The following RHBDD1 variants were observed in gnomAD, a reference collection of about 807,000 sequenced individuals.
RHBDD1 encodes rhomboid-related protein 4.
A neutral mutation model predicts 36.3 loss-of-function variants in RHBDD1; 38 were observed. The ratio of observed to expected loss-of-function variants is 1.05; its 90% CI spans 0.81 to 1.37. The LOEUF (loss-of-function observed/expected upper bound fraction) is 1.37. Among genes scored for constraint, RHBDD1 ranks in the 40% most tolerant of loss-of-function variants. RHBDD1 has a pLI of 0.00. For missense variants in RHBDD1, 393 were observed against 377.6 expected (o/e 1.04, Z -0.34); for synonymous variants, 151 against 136.5 (o/e 1.11, Z -0.74).
chr2:226,816,473 T>C, the RHBDD1 span, among the ~76,000 whole-genome samples: 1 of 152,076 alleles, frequency 6.6e-6, no homozygotes, highest in African/African-American at 2.4e-5. Context: ...AAATTTCTTC[T>C]GTCTAAGGAT....
chr2:226,800,484 C>G, the RHBDD1 span, among the ~76,000 whole-genome samples: 1 of 152,086 alleles, frequency 6.6e-6, no homozygotes, highest in South Asian at 2.1e-4. Context: ...ACAGGGATCC[C>G]CAGGAAGTGT....
At chr2:226,995,371 G>A (rs1401264822) in intron 8 of RHBDD1, 60 bp from the exon 9 acceptor site, 2 of 1,026,760 alleles carry the variant, frequency 1.9e-6, no homozygotes, top group African/African-American at 3.1e-5. Context: ...TGGAATCCTA[G>A]GGTACACATG....
chr2:226,816,375 C>CAAAAA, the RHBDD1 span, among the ~76,000 whole-genome samples: 19 of 64,944 alleles, frequency 2.9e-4, no homozygotes, highest in African/African-American at 7.0e-4. Flanking sequence ...GGAATGGTGG[C>CAAAAA]AAAAAAAAAA....
chr2:226,839,650 T>C (rs181818483), intron 3 of RHBDD1, 23 bp downstream of exon 3: 3 of 152,262 alleles, frequency 2.0e-5, no homozygotes, highest in African/African-American at 7.2e-5. Flanking sequence ...CACAAACTTG[T>C]TCTGAAGACA....
intron 3 of RHBDD1, among the ~76,000 whole-genome samples, chr2:226,860,736 A>G (rs140138384): frequency 4.4e-4 from 67 of 152,270 alleles, no homozygotes; most frequent in East Asian, 3.3e-3. Flanking sequence ...CGTATGTTCT[A>G]CCTACACTGG....
intron 5 of RHBDD1, among the ~76,000 whole-genome samples, chr2:226,903,345 C>T (rs184608140): frequency 2.6e-4 from 40 of 152,304 alleles, no homozygotes; most frequent in Admixed American, 2.2e-3. Context: ...ATGGTGAAAT[C>T]TCACCCCGTC....
chr2:226,864,770 A>G lies in RHBDD1; in HGVS notation c.77A>G (p.Asn26Ser), dbSNP rs36070966. Residue 26 changes from asparagine to serine, a missense_variant, in exon 4 of 9, where the codon AAT (asparagine) becomes AGT (serine). Transcript: ENST00000392062. The part of the protein sequence containing the change: ...LSQIFHVGIN[N>S]IPPVTLATLA... ...CAAATCTTCCATGTTGGGATCAACA[A>G]TATTCCACCTGTCACCCTAGCAACT... 2.2e-4 allele frequency: 354 copies of G among 1,614,176 alleles called. 6 individuals carry two copies. The South Asian group carries it at 3.1e-3, about 14-fold the overall frequency.
the RHBDD1 span, among the ~76,000 whole-genome samples, chr2:226,830,366 T>C: frequency 2.0e-5 from 3 of 152,210 alleles, no homozygotes; most frequent in African/African-American, 7.2e-5. Flanking sequence ...CTTTCCAGCC[T>C]CCAGAACTGA....
At chr2:226,800,362 GCCAGCCTT>G in the RHBDD1 span, 2 of 152,312 alleles carry the variant, frequency 1.3e-5, no homozygotes, top group Non-Finnish European at 2.9e-5. Flanking sequence ...GGACTTCTGG[GCCAGCCTT>G]CCACCTTGGG....
intron 5 of RHBDD1, among the ~76,000 whole-genome samples, chr2:226,894,860 A>G (rs1475841360): frequency 6.6e-6 from 1 of 152,224 alleles, no homozygotes; most frequent in Admixed American, 6.5e-5. Flanking sequence ...CCACTGCAGT[A>G]TCCAGAGGAG....
At chr2:226,961,819 A>G (rs1452865158) in intron 8 of RHBDD1, among the ~76,000 whole-genome samples, 1 of 152,188 alleles carries the variant, frequency 6.6e-6, no homozygotes, top group Non-Finnish European at 1.5e-5. Flanking sequence ...ATTAACTCAT[A>G]TAAGGCTCAC....
Position 226,904,428 on chromosome 2 carries a change from G to GCA in RHBDD1, c.567-2365_567-2364insCA, listed in dbSNP as rs1947871701. 3.2e-5 allele frequency among the ~76,000 whole-genome samples: 2 copies of GCA among 63,468 alleles called. 1 individual carries two copies. Among genetic ancestry groups the GCA allele is most frequent in the Non-Finnish European group, 6.8e-5 (2 of 29,576 alleles). 41.6% of individuals were successfully genotyped at this position (63,468 alleles called of 152,430 possible). A position where few individuals can be genotyped will look rare whatever the true frequency, so the allele number is the denominator to read the frequency against. On this transcript the variant is annotated intron_variant, in intron 5 of 8. Transcript: ENST00000392062. Reference sequence around the variant, plus strand: ...CATCCTGCAAGCGGGGGGGGAGGGGGGTCAGGGAACTCCTGTTTCAGTAGA... The same window carrying GCA: ...CATCCTGCAAGCGGGGGGGGAGGGGGCAGTCAGGGAACTCCTGTTTCAGTAGA...
At chr2:226,817,639 CCT>C in the RHBDD1 span, among the ~76,000 whole-genome samples, 2 of 152,090 alleles carry the variant, frequency 1.3e-5, no homozygotes, top group Admixed American at 1.3e-4. Context: ...CCAAATTCGC[CCT>C]GTTTAAACGG....
intron 8 of RHBDD1, among the ~76,000 whole-genome samples, chr2:226,941,069 G>A (rs971756808): frequency 1.3e-5 from 2 of 151,184 alleles, no homozygotes; most frequent in African/African-American, 2.4e-5. Context: ...GCCTCAGCCC[G>A]CCTAGTAGCT....
chr2:226,933,887 G>T (rs1051255483), intron 8 of RHBDD1, among the ~76,000 whole-genome samples: 5 of 152,080 alleles, frequency 3.3e-5, no homozygotes, highest in African/African-American at 1.2e-4. Context: ...CTTACATAAA[G>T]AGGATTTTTC....
chr2:226,975,021 G>A (rs1464119435), intron 8 of RHBDD1, among the ~76,000 whole-genome samples: 1 of 152,190 alleles, frequency 6.6e-6, no homozygotes, highest in Non-Finnish European at 1.5e-5. Context: ...GGTACGTGGA[G>A]AGAACTGGGA....
chr2:226,818,176 T>A, the RHBDD1 span, among the ~76,000 whole-genome samples: 1 of 131,108 alleles, frequency 7.6e-6, no homozygotes, highest in Non-Finnish European at 1.5e-5. Context: ...TTTTTTTTTT[T>A]TGAGATGGAG....
chr2:226,833,583 T>C (rs1192749182), upstream of RHBDD1, among the ~76,000 whole-genome samples: 5 of 152,242 alleles, frequency 3.3e-5, no homozygotes, highest in Non-Finnish European at 5.9e-5. Flanking sequence ...AAGTTAAAAT[T>C]TATTTTATAC....
At chr2:226,921,181 A>G (rs1475242838) in intron 8 of RHBDD1, among the ~76,000 whole-genome samples, 2 of 152,080 alleles carry the variant, frequency 1.3e-5, no homozygotes, top group African/African-American at 2.4e-5. Context: ...AGTCCTTTGA[A>G]TTTCTGTAGA....
Sources: gnomAD v4.1 joint callset for allele counts (sites outside exome capture counted in the v4.1 genomes callset) on GRCh38, gnomAD v4.1.1 for gene constraint, MANE v1.5 for transcripts, NCBI Gene and HGNC (gene_info 2026-07-23, HGNC 2026-07-21) for gene names.